Variants in C20orf96 observed in about 807,000 individuals in gnomAD.
The protein encoded by C20orf96 is uncharacterized protein C20orf96.
Under a neutral mutation model 52.6 loss-of-function variants are expected in C20orf96, and 57 were observed. The observed-to-expected ratio is 1.08, with a 90% CI of 0.88 to 1.35. The LOEUF (loss-of-function observed/expected upper bound fraction) is 1.35. C20orf96 is among the 40% of genes most tolerant of loss of function. The pLI is 0.00. For synonymous variants in C20orf96, 168 were observed against 157.2 expected, an observed-to-expected ratio of 1.07 and a Z score of -0.51; for missense variants, 478 against 443.6, an observed-to-expected ratio of 1.08 and a Z score of -0.70.
intron 6 of C20orf96, 35 bp from the exon 7 acceptor site, chr20:277,418 A>T: frequency 6.2e-7 from 1 of 1,608,854 alleles, no homozygotes; most frequent in Non-Finnish European, 8.5e-7. Context: ...CAGGGACAGG[A>T]GGCAAGACCT....
chr20:279,116 G>GAGGGACGGAGGT, intron 5 of C20orf96, 56 bp downstream of exon 5: 1 of 1,138,094 alleles, frequency 8.8e-7, no homozygotes, highest in Non-Finnish European at 1.2e-6. Context: ...GGGAGGGAGG[G>GAGGGACGGAGGT]AGGGACGGAG....
At position 279,191 on chromosome 20, in the gene C20orf96, TGCAGCAG is replaced by T; in HGVS notation, c.439_445del (p.Leu147SerfsTer24). On this transcript the variant is annotated frameshift_variant, in exon 5 of 11. Transcript: ENST00000360321. LOFTEE classifies it high-confidence loss of function. The stretch of plus-strand genomic sequence containing the variant: ...TCTCACCGCCAGGGTGTCCTGCTGC[TGCAGCAG>T]GGCCCGCACGTGCAGGGTCGTGCTG... The T allele has an allele frequency of 6.2e-7, 1 of 1,601,038 alleles. No homozygotes were observed. The highest frequency in any genetic ancestry group is 8.5e-7 in the Non-Finnish European group (1 of 1,176,224).
chr20:290,491 A>AT (rs1555771822), intron 1 of C20orf96, 100 bp downstream of exon 1: 13 of 1,455,036 alleles, frequency 8.9e-6, no homozygotes, highest in Non-Finnish European at 1.1e-5. Context: ...CAGAAGACCG[A>AT]GGGCGACCTC....
chr20:271,917 G>A (rs2011853137), intron 10 of C20orf96, among the ~76,000 whole-genome samples: 1 of 152,080 alleles, frequency 6.6e-6, no homozygotes, highest in Non-Finnish European at 1.5e-5. Flanking sequence ...CCCATTGCAG[G>A]GACCAGCACA....
intron 4 of C20orf96, among the ~76,000 whole-genome samples, chr20:281,763 G>C (rs1239934231): frequency 6.6e-6 from 1 of 152,170 alleles, no homozygotes; most frequent in African/African-American, 2.4e-5. Flanking sequence ...AGGACTACTT[G>C]AGCCCAGGAG....
chr20:283,328 A>G (rs6082013), intron 4 of C20orf96, among the ~76,000 whole-genome samples: 78,296 of 151,320 alleles, frequency 0.52, 20,659 homozygotes, highest in African/African-American at 0.61. Context: ...TTTTGAGATG[A>G]AGTCTCACTC....
intron 5 of C20orf96, 118 bp from the exon 6 acceptor site, chr20:278,547 G>C (rs1295815124): frequency 1.3e-6 from 1 of 751,200 alleles, no homozygotes; most frequent in Non-Finnish European, 2.4e-6. Flanking sequence ...CCTGACCAGA[G>C]GCTAATCGGG....
chr20:277,205 G>T, intron 7 of C20orf96, 21 bp downstream of exon 7: 1 of 1,614,022 alleles, frequency 6.2e-7, no homozygotes, highest in Non-Finnish European at 8.5e-7. Context: ...TCTGGTGGGA[G>T]AGGGGCAGGG....
At chr20:277,434 C>T in intron 6 of C20orf96, 51 bp from the exon 7 acceptor site, 1 of 1,600,210 alleles carries the variant, frequency 6.2e-7, no homozygotes, top group South Asian at 1.1e-5. Flanking sequence ...GACCTTCCCT[C>T]AAGCACCTGG....
chr20:276,570 G>C, intron 9 of C20orf96: 1 of 985,376 alleles, frequency 1.0e-6, no homozygotes, highest in East Asian at 1.1e-4. Flanking sequence ...TGGGTCATTA[G>C]CCAGCATTGC....
Position 277,026 on chromosome 20 carries a change from C to T in C20orf96, c.825+18G>A. 6.2e-7 allele frequency: 1 copy of T among 1,610,212 alleles called. No individual in the cohort carries two copies. Among genetic ancestry groups the T allele is most frequent in the South Asian group, 1.1e-5 (1 of 90,420 alleles). The stretch of plus-strand genomic sequence containing the variant: ...TGAGACCTGGATCCCCGCTCCCACA[C>T]AGCAACTGGCTACTCACCGCCACCA... On this transcript the variant is annotated intron_variant, in intron 8 of 10. Transcript: ENST00000360321.
Position 271,148 on chromosome 20 carries a change from C to T in C20orf96, c.*59G>A, listed in dbSNP as rs2011817203. 2 of 1,409,530 alleles carry T rather than the reference C, an allele frequency of 1.4e-6. No homozygotes were observed. Among genetic ancestry groups the T allele is most frequent in the Non-Finnish European group, 2.0e-6 (2 of 1,018,330 alleles). 87.3% of individuals were successfully genotyped at this position (1,409,530 alleles called of 1,614,324 possible). A position where few individuals can be genotyped will look rare whatever the true frequency, so the allele number is the denominator to read the frequency against. On this transcript the variant is annotated 3_prime_UTR_variant, in exon 11 of 11. Transcript: ENST00000360321. Reference sequence around the variant, plus strand: ...AGATCCGGTCCTGGAAGTAAATGATCCAAGGCTCCAGGTGCTGGGAAGAGA... The same window carrying T: ...AGATCCGGTCCTGGAAGTAAATGATTCAAGGCTCCAGGTGCTGGGAAGAGA...
chr20:279,144 G>A (rs2012169827), intron 5 of C20orf96, 28 bp downstream of exon 5: 2 of 1,547,472 alleles, frequency 1.3e-6, no homozygotes, highest in Admixed American at 3.6e-5. Flanking sequence ...CGGAGGGACG[G>A]AGGGCGGGCG....
intron 3 of C20orf96, among the ~76,000 whole-genome samples, chr20:286,581 G>GAGGAAA (rs1309846228): frequency 3.5e-5 from 5 of 143,504 alleles, no homozygotes; most frequent in Admixed American, 7.0e-5. Flanking sequence ...AGGGAGGGGA[G>GAGGAAA]AGGAAAAGGA....
chr20:276,869 C>A lies in C20orf96; in HGVS notation c.836G>T (p.Arg279Leu), dbSNP rs771240781. The A allele has an allele frequency of 6.2e-7, 1 of 1,613,962 alleles. No homozygotes were observed. The highest frequency in any genetic ancestry group is 1.1e-5 in the South Asian group (1 of 91,056). Residue 279 changes from arginine (R) to leucine (L), a missense_variant, in exon 9 of 11, where the codon CGT becomes CTT. By Grantham distance (102) the Arg-to-Leu change is moderately radical. Transcript: ENST00000360321. ...ILSSVVAETQ[R>L]PYEEALLQKM... The stretch of plus-strand genomic sequence containing the variant: ...CTGTAGGAGAGCCTCTTCATAGGGA[C>A]GCTGGGTTTCCTGTGGAGGAAGAAG...
intron 3 of C20orf96, among the ~76,000 whole-genome samples, chr20:288,393 A>T (rs550336553): frequency 2.0e-5 from 3 of 151,938 alleles, no homozygotes; most frequent in African/African-American, 7.2e-5. Context: ...TGATTCCCCA[A>T]CTGGGATAGT....
chr20:289,871 TG>T (rs1271711121), intron 2 of C20orf96, among the ~76,000 whole-genome samples, 195 bp from the exon 3 acceptor site: 1 of 152,202 alleles, frequency 6.6e-6, no homozygotes, highest in Non-Finnish European at 1.5e-5. Context: ...ATGAAGCATG[TG>T]GTAAGTGCTC....
At chr20:271,559 G>C (rs2011842688) in intron 10 of C20orf96, among the ~76,000 whole-genome samples, 1 of 152,134 alleles carries the variant, frequency 6.6e-6, no homozygotes, top group Admixed American at 6.5e-5. Context: ...TCAAGAGGGA[G>C]CAGGAACTCA....
In C20orf96 at chr20:279,313, C is replaced by T; in HGVS notation, c.324G>A (p.Gly108=). Residue 108 remains glycine, a synonymous_variant, in exon 5 of 11, where the codon GGG becomes GGA. Coordinates refer to ENST00000360321, the MANE Select transcript of C20orf96 (RefSeq NM_153269.3). ...TTCGGAGCTCTCGCAGAGCGGCCCT[C>T]CCGCTCCTGAGCGAGGTCTGCGGGC... The part of the protein sequence containing the change: ...IWLMKTSLRS[G]RAALRELRSR... 1 of 1,605,398 alleles carries T rather than the reference C, an allele frequency of 6.2e-7. No homozygotes were observed. The highest frequency in any genetic ancestry group is 8.5e-7 in the Non-Finnish European group (1 of 1,178,408).
Sources: allele counts gnomAD v4.1 joint callset (sites outside exome capture counted in the v4.1 genomes callset), GRCh38; gene constraint gnomAD v4.1.1; transcripts MANE v1.5; gene names NCBI Gene and HGNC (gene_info 2026-07-23, HGNC 2026-07-21).